Variants in PHF24 observed in about 807,000 individuals in gnomAD.
The protein encoded by PHF24 is PHD finger protein 24.
In PHF24, 25 loss-of-function variants were observed where a neutral mutation model predicts 42.6. The ratio of observed to expected loss-of-function variants is 0.59; its 90% CI spans 0.43 to 0.82. The LOEUF is 0.82. PHF24 is among the 40% of genes least tolerant of loss of function. The pLI, the probability that PHF24 is intolerant of heterozygous loss-of-function variation, is 0.00. For synonymous variants in PHF24, 185 were observed against 204.8 expected, an observed-to-expected ratio of 0.90 and a Z score of 0.83; for missense variants, 470 against 538.1, an observed-to-expected ratio of 0.87 and a Z score of 1.25.
upstream of PHF24, among the ~76,000 whole-genome samples, chr9:34,955,322 A>AG (rs1399429495): frequency 1.2e-5 from 1 of 83,458 alleles, no homozygotes; most frequent in African/African-American, 3.5e-5. Context: ...AAGAATATGC[A>AG]AAAAAAAAAG....
the PHF24 span, among the ~76,000 whole-genome samples, chr9:34,704,170 G>A: frequency 6.6e-6 from 1 of 151,836 alleles, no homozygotes; most frequent in Non-Finnish European, 1.5e-5. Flanking sequence ...AGGACAATAG[G>A]CCTGTGCCAC....
At chr9:34,900,241 A>G in the PHF24 span, among the ~76,000 whole-genome samples, 2 of 150,726 alleles carry the variant, frequency 1.3e-5, no homozygotes, top group Non-Finnish European at 3.0e-5. Flanking sequence ...AGAGAGACCA[A>G]TGACCAATAT....
the PHF24 span, among the ~76,000 whole-genome samples, chr9:34,718,228 G>A: frequency 3.9e-5 from 6 of 152,116 alleles, no homozygotes; most frequent in African/African-American, 7.2e-5. Flanking sequence ...CACTAGCTGA[G>A]TGTTTATAGT....
At chr9:34,780,547 AGT>A in the PHF24 span, among the ~76,000 whole-genome samples, 1 of 151,654 alleles carries the variant, frequency 6.6e-6, no homozygotes, top group Non-Finnish European at 1.5e-5. Context: ...AGCCTCCCAA[AGT>A]GTTGGGATTA....
the PHF24 span, among the ~76,000 whole-genome samples, chr9:34,671,901 CCTT>C: frequency 1.2e-4 from 18 of 152,094 alleles, no homozygotes; most frequent in African/African-American, 4.3e-4. Flanking sequence ...GCCCATTCTT[CCTT>C]CTTTCATCTT....
the PHF24 span, among the ~76,000 whole-genome samples, chr9:34,951,885 T>C: frequency 4.1e-4 from 62 of 152,186 alleles, no homozygotes; most frequent in Non-Finnish European, 7.1e-4. Context: ...CTCAGCACCT[T>C]GAGGCTTTCT....
At chr9:34,889,845 G>A in the PHF24 span, among the ~76,000 whole-genome samples, 1 of 152,118 alleles carries the variant, frequency 6.6e-6, no homozygotes, top group African/African-American at 2.4e-5. Context: ...AGCAAGTAAT[G>A]GCCCAGTAAG....
At chr9:34,745,072 T>C in the PHF24 span, among the ~76,000 whole-genome samples, 118,702 of 151,988 alleles carry the variant, frequency 0.78, 47,002 homozygotes, top group East Asian at 0.95. Flanking sequence ...GCTAAAGGAG[T>C]GCAGGGGTGT....
At chr9:34,731,006 A>G in the PHF24 span, among the ~76,000 whole-genome samples, 42 of 152,136 alleles carry the variant, frequency 2.8e-4, no homozygotes, top group Admixed American at 5.9e-4. Flanking sequence ...CCCTAAGACT[A>G]TTTTTTTTAA....
the PHF24 span, chr9:34,710,011 G>T: frequency 1.2e-6 from 2 of 1,614,116 alleles, no homozygotes; most frequent in East Asian, 2.2e-5. Context: ...TTGGGTCCTG[G>T]GGATGCCAAA....
chr9:34,854,699 T>C, the PHF24 span, among the ~76,000 whole-genome samples: 1 of 152,226 alleles, frequency 6.6e-6, no homozygotes, highest in Non-Finnish European at 1.5e-5. Context: ...CTTCTAATTA[T>C]GTTTTCAATT....
intron 1 of PHF24, among the ~76,000 whole-genome samples, chr9:34,959,009 C>T (rs1175681760): frequency 6.6e-6 from 1 of 152,178 alleles, no homozygotes; most frequent in Admixed American, 6.5e-5. Context: ...TGGGGGCCTT[C>T]TAGGGCTGCA....
intron 2 of PHF24, 119 bp downstream of exon 2, chr9:34,971,795 A>G (rs1210584392): frequency 2.5e-6 from 3 of 1,181,106 alleles, no homozygotes; most frequent in East Asian, 2.4e-5. Flanking sequence ...GTCCAAAAAA[A>G]TCTTTGAATT....
At chr9:34,785,286 G>A in the PHF24 span, among the ~76,000 whole-genome samples, 2 of 152,268 alleles carry the variant, frequency 1.3e-5, no homozygotes, top group Non-Finnish European at 2.9e-5. Flanking sequence ...CTCTCTGAAG[G>A]CTCTTCTGTA....
At chr9:34,786,901 C>T in the PHF24 span, among the ~76,000 whole-genome samples, 444 of 152,106 alleles carry the variant, frequency 2.9e-3, 1 homozygote, top group African/African-American at 9.6e-3. Context: ...TCTCCTGAAA[C>T]GGTTTACCAT....
chr9:34,704,697 G>A, the PHF24 span, among the ~76,000 whole-genome samples: 1 of 151,432 alleles, frequency 6.6e-6, no homozygotes, highest in Non-Finnish European at 1.5e-5. Flanking sequence ...TTAGCTGGGT[G>A]TGGTGGTGTG....
chr9:34,713,951 A>C, the PHF24 span, among the ~76,000 whole-genome samples: 1 of 152,136 alleles, frequency 6.6e-6, no homozygotes, highest in Non-Finnish European at 1.5e-5. Context: ...CCAGAGACAG[A>C]AATATTGGGT....
the PHF24 span, among the ~76,000 whole-genome samples, chr9:34,845,756 C>G: frequency 4.2e-5 from 5 of 119,718 alleles, no homozygotes; most frequent in Admixed American, 9.7e-5. Context: ...CCCCTCCCCC[C>G]ACCCCACAAC....
At chr9:34,776,344 GCT>G in the PHF24 span, among the ~76,000 whole-genome samples, 1 of 151,962 alleles carries the variant, frequency 6.6e-6, no homozygotes. Flanking sequence ...TATAAATTTG[GCT>G]GCTTTATGGT....
Sources: gnomAD v4.1 joint callset for allele counts (sites outside exome capture counted in the v4.1 genomes callset) on GRCh38, gnomAD v4.1.1 for gene constraint, MANE v1.5 for transcripts, NCBI Gene and HGNC (gene_info 2026-07-23, HGNC 2026-07-21) for gene names.